CTDSPL2: variants seen among roughly 807,000 people sequenced by gnomAD.
CTDSPL2 encodes the protein CTD small phosphatase-like protein 2.
CTDSPL2 carries 5 observed loss-of-function variants against 60.0 expected under a neutral mutation model. The observed-to-expected ratio is 0.08, with a 90% CI of 0.04 to 0.18. The LOEUF is 0.18. Ranked by LOEUF, CTDSPL2 falls within the 10% of genes least tolerant of loss-of-function variation. CTDSPL2 has a pLI of 1.00. For missense variants in CTDSPL2, 370 were observed against 548.8 expected (o/e 0.67, Z 3.26); for synonymous variants, 186 against 189.3 (o/e 0.98, Z 0.14).
At chr15:44,477,417 C>G (rs1163548399) in intron 2 of CTDSPL2, among the ~76,000 whole-genome samples, 3 of 152,012 alleles carry the variant, frequency 2.0e-5, no homozygotes, top group Non-Finnish European at 4.4e-5. Flanking sequence ...TGCCTGTAGT[C>G]CCAGCTACTT....
chr15:44,496,375 A>C lies in CTDSPL2; in HGVS notation c.692-5A>C, dbSNP rs1312027628. ...CAACATTTTTTCTTTCACTATGTTA[A>C]ATAGCACCAGTAACTCCAGATAGTG... is the stretch of plus-strand genomic sequence containing the variant. On this transcript the variant is annotated splice_region_variant and splice_polypyrimidine_tract_variant and intron_variant, in intron 5 of 12. Transcript: ENST00000260327. 1 of 1,607,378 alleles carries C rather than the reference A, an allele frequency of 6.2e-7. No homozygotes were observed. The highest frequency in any genetic ancestry group is 1.1e-5 in the South Asian group (1 of 90,664).
At position 44,525,723 on chromosome 15, in the gene CTDSPL2, A is replaced by G. The variant is rs1397462345; in HGVS notation, c.*1549A>G. 2 of 372,462 alleles carry G rather than the reference A, an allele frequency of 5.4e-6. No homozygotes were observed. Among genetic ancestry groups the G allele is most frequent in the African/African-American group, 4.2e-5 (2 of 48,148 alleles). The allele number at this position is 372,462 out of a possible 1,614,324, so 23.1% of individuals were successfully genotyped here. On this transcript the variant is annotated 3_prime_UTR_variant, in exon 13 of 13. Transcript: ENST00000260327. ...CTTCATTTTCAAATGAATCCTTAAAATAAGGAAATCTTTTTAGGAAAACAT... is the reference window on the plus strand; with the variant it reads ...CTTCATTTTCAAATGAATCCTTAAAGTAAGGAAATCTTTTTAGGAAAACAT...
At chr15:44,436,834 CTT>C (rs1358611920) in intron 1 of CTDSPL2, among the ~76,000 whole-genome samples, 1 of 152,120 alleles carries the variant, frequency 6.6e-6, no homozygotes, top group Non-Finnish European at 1.5e-5. Flanking sequence ...TTGTTTCTCT[CTT>C]AATGCATGAC....
At chr15:44,519,096 G>GTA (rs1406050618) in intron 10 of CTDSPL2, 73 bp from the exon 11 acceptor site, 10 of 968,564 alleles carry the variant, frequency 1.0e-5, no homozygotes, top group Non-Finnish European at 1.3e-5. Flanking sequence ...AGCCTATGGT[G>GTA]TATATATATG....
In CTDSPL2 at chr15:44,470,751, A is replaced by G. The variant is rs144795338; in HGVS notation, c.186+11551A>G. On this transcript the variant is annotated intron_variant, in intron 2 of 12. Transcript: ENST00000260327. ...GTGTGAGCCACCACGCCTGGCCTACATTGGCATATTTTGTCTATTTATATT... is the reference window on the plus strand; with the variant it reads ...GTGTGAGCCACCACGCCTGGCCTACGTTGGCATATTTTGTCTATTTATATT... 5.9e-5 allele frequency among the ~76,000 whole-genome samples: 9 copies of G among 152,246 alleles called. No individual in the cohort carries two copies. In the East Asian group the frequency reaches 1.3e-3, roughly 23 times the overall value.
chr15:44,491,577 C>A (rs1351024391), intron 5 of CTDSPL2, among the ~76,000 whole-genome samples: 1 of 152,088 alleles, frequency 6.6e-6, no homozygotes, highest in African/African-American at 2.4e-5. Context: ...AGACAGGGTA[C>A]AAGATGGAAT....
chr15:44,444,988 C>G (rs1311252974), intron 1 of CTDSPL2, among the ~76,000 whole-genome samples: 1 of 150,606 alleles, frequency 6.6e-6, no homozygotes, highest in Non-Finnish European at 1.5e-5. Context: ...GCTGGGACTA[C>G]AGGCGCACAC....
intron 1 of CTDSPL2, among the ~76,000 whole-genome samples, chr15:44,437,121 C>G (rs959881108): frequency 3.9e-5 from 6 of 152,126 alleles, no homozygotes; most frequent in African/African-American, 1.4e-4. Flanking sequence ...GTGGAATTTT[C>G]CACTTGTGAC....
chr15:44,496,610 C>A, intron 6 of CTDSPL2, 152 bp downstream of exon 6: 1 of 626,336 alleles, frequency 1.6e-6, no homozygotes, highest in Non-Finnish European at 2.8e-6. Flanking sequence ...GTGGCTCATC[C>A]CAGCACTTTG....
At chr15:44,439,361 C>G (rs895966651) in intron 1 of CTDSPL2, among the ~76,000 whole-genome samples, 13 of 151,798 alleles carry the variant, frequency 8.6e-5, no homozygotes, top group Non-Finnish European at 1.5e-4. Flanking sequence ...ATTGACCAGG[C>G]CGGTCTCGAA....
intron 2 of CTDSPL2, among the ~76,000 whole-genome samples, chr15:44,466,775 A>T (rs572907139): frequency 8.0e-6 from 1 of 124,656 alleles, no homozygotes; most frequent in Non-Finnish European, 1.9e-5. Context: ...TACTAAAAAT[A>T]CAAAAAAAAA....
At chr15:44,496,337 C>G in intron 5 of CTDSPL2, 43 bp from the exon 6 acceptor site, 1 of 1,232,864 alleles carries the variant, frequency 8.1e-7, no homozygotes, top group Non-Finnish European at 1.2e-6. Flanking sequence ...TTTCATGAAG[C>G]ATTAAGTAAA....
At chr15:44,485,988 T>C (rs987593922) in intron 3 of CTDSPL2, among the ~76,000 whole-genome samples, 1 of 152,206 alleles carries the variant, frequency 6.6e-6, no homozygotes, top group Non-Finnish European at 1.5e-5. Context: ...CTGTGGAACA[T>C]TTTGATTTAC....
rs2081716536 is a variant in CTDSPL2 at position 44,519,350 on chromosome 15, A to C, written c.1239+55A>C. ...ATTGGAAAAAATACAATGAAGACACATGCTGCCAAACAGAATATGATGGGA... is the reference window on the plus strand; with the variant it reads ...ATTGGAAAAAATACAATGAAGACACCTGCTGCCAAACAGAATATGATGGGA... On this transcript the variant is annotated intron_variant, in intron 11 of 12. Transcript: ENST00000260327. 3 of 1,395,672 alleles carry C rather than the reference A, an allele frequency of 2.1e-6. No homozygotes were observed. The South Asian group carries it at 4.2e-5, about 20-fold the overall frequency. The allele number at this position is 1,395,672 out of a possible 1,614,324, so 86.5% of individuals were successfully genotyped here.
At chr15:44,487,324 G>A (rs2140794377) in intron 4 of CTDSPL2, among the ~76,000 whole-genome samples, 1 of 152,246 alleles carries the variant, frequency 6.6e-6, no homozygotes, top group Middle Eastern at 3.4e-3. Flanking sequence ...GCGTGGTAGT[G>A]CACGCCTGTA....
intron 1 of CTDSPL2, 60 bp downstream of exon 1, chr15:44,427,832 G>C (rs1188695159): frequency 2.5e-6 from 1 of 396,938 alleles, no homozygotes; most frequent in African/African-American, 2.1e-5. Context: ...TCCTCTTCCA[G>C]GGCCGTCTGC....
At chr15:44,432,384 A>G (rs1019809676) in intron 1 of CTDSPL2, among the ~76,000 whole-genome samples, 7 of 151,672 alleles carry the variant, frequency 4.6e-5, no homozygotes, top group African/African-American at 1.7e-4. Context: ...CAGTGGGGCA[A>G]TCTTGGCTCA....
intron 8 of CTDSPL2, among the ~76,000 whole-genome samples, chr15:44,503,199 G>A (rs76745682): frequency 9.2e-5 from 14 of 151,874 alleles, no homozygotes; most frequent in Non-Finnish European, 2.1e-4. Flanking sequence ...TTGTTTGAAT[G>A]GGTCTATTTT....
chr15:44,439,970 T>G (rs2141275728), intron 1 of CTDSPL2, among the ~76,000 whole-genome samples: 1 of 152,282 alleles, frequency 6.6e-6, no homozygotes, highest in South Asian at 2.1e-4. Flanking sequence ...TTGGTATTGT[T>G]TCTTTTTAGA....
Sources: gnomAD v4.1 joint callset for allele counts (sites outside exome capture counted in the v4.1 genomes callset) on GRCh38, gnomAD v4.1.1 for gene constraint, MANE v1.5 for transcripts, NCBI Gene and HGNC (gene_info 2026-07-23, HGNC 2026-07-21) for gene names.